The following CTDP1 variants were observed in gnomAD, a reference collection of about 807,000 sequenced individuals.
The protein encoded by CTDP1 is RNA polymerase II subunit A C-terminal domain phosphatase.
In CTDP1, 47 loss-of-function variants were observed where a neutral mutation model predicts 91.8. That is an observed-to-expected ratio of 0.51 (90% CI 0.41 to 0.65). The LOEUF is 0.65. Ranked by LOEUF, CTDP1 falls within the 30% of genes least tolerant of loss-of-function variation. CTDP1 has a pLI of 0.00. For missense variants in CTDP1, 1,272 were observed against 1,373.7 expected, an observed-to-expected ratio of 0.93 and a Z score of 1.17; for synonymous variants, 656 against 598.5, an observed-to-expected ratio of 1.10 and a Z score of -1.40.
chr18:79,683,446 G>T (rs532185485), intron 1 of CTDP1, among the ~76,000 whole-genome samples: 1 of 152,336 alleles, frequency 6.6e-6, no homozygotes, highest in South Asian at 2.1e-4. Context: ...TCATCTGCGT[G>T]TGAGGGCAGG....
intron 11 of CTDP1, among the ~76,000 whole-genome samples, chr18:79,730,237 C>T (rs1176240785): frequency 6.6e-6 from 1 of 152,192 alleles, no homozygotes; most frequent in Non-Finnish European, 1.5e-5. Flanking sequence ...TCAGCCACTA[C>T]CTGTAAGCCC....
intron 1 of CTDP1, chr18:79,681,599 C>A: frequency 6.0e-6 from 3 of 501,830 alleles, no homozygotes; most frequent in Non-Finnish European, 7.7e-6. Flanking sequence ...CCCAGTGCAT[C>A]AGTCAGTCAG....
At chr18:79,716,310 T>C in intron 8 of CTDP1, among the ~76,000 whole-genome samples, 1 of 152,186 alleles carries the variant, frequency 6.6e-6, no homozygotes, top group African/African-American at 2.4e-5. Context: ...CCACGCACGC[T>C]CCCTGACAGC....
intron 10 of CTDP1, among the ~76,000 whole-genome samples, chr18:79,723,262 C>T (rs1257170501): frequency 1.3e-5 from 2 of 151,928 alleles, no homozygotes; most frequent in Non-Finnish European, 2.9e-5. Context: ...CATGGCATCC[C>T]GTCTCACAGT....
At chr18:79,686,687 C>T (rs960239135) in intron 1 of CTDP1, among the ~76,000 whole-genome samples, 4 of 152,370 alleles carry the variant, frequency 2.6e-5, no homozygotes, top group African/African-American at 7.2e-5. Flanking sequence ...TGGTGTCGTA[C>T]GATTTTGATG....
chr18:79,705,059 G>C, intron 5 of CTDP1, 142 bp downstream of exon 5: 1 of 1,321,246 alleles, frequency 7.6e-7, no homozygotes, highest in African/African-American at 1.5e-5. Flanking sequence ...TGTGCAGGGG[G>C]TTGTGAGAGG....
At chr18:79,688,562 A>T (rs998316855) in intron 1 of CTDP1, among the ~76,000 whole-genome samples, 5 of 143,036 alleles carry the variant, frequency 3.5e-5, no homozygotes, top group Non-Finnish European at 7.7e-5. Context: ...ACCGCGCCCA[A>T]CTAATTTTTG....
At chr18:79,695,333 G>A (rs765167111) in intron 2 of CTDP1, 25 bp downstream of exon 2, 26 of 1,606,418 alleles carry the variant, frequency 1.6e-5, no homozygotes, top group African/African-American at 9.4e-5. Flanking sequence ...GAGTGAGATC[G>A]CTGCCTGCTG....
At chr18:79,735,376 C>T (rs1465826619) in intron 11 of CTDP1, among the ~76,000 whole-genome samples, 2 of 152,210 alleles carry the variant, frequency 1.3e-5, no homozygotes, top group Non-Finnish European at 2.9e-5. Context: ...GGGGCTGTGC[C>T]GTCGCACACA....
At chr18:79,698,182 A>G (rs1018150526) in intron 4 of CTDP1, among the ~76,000 whole-genome samples, 194 bp downstream of exon 4, 10 of 152,240 alleles carry the variant, frequency 6.6e-5, no homozygotes, top group African/African-American at 2.4e-4. Context: ...TCCCGGGCAG[A>G]CATCCCGACG....
intron 1 of CTDP1, among the ~76,000 whole-genome samples, chr18:79,692,220 C>T (rs553093096): frequency 2.0e-5 from 3 of 152,130 alleles, no homozygotes; most frequent in South Asian, 4.1e-4. Context: ...ACACACTCTG[C>T]AGGCGTTTGT....
Position 79,680,155 on chromosome 18 carries a change from T to C in CTDP1, c.208T>C (p.Ser70Pro). Residue 70 changes from serine to proline, a missense_variant, in exon 1 of 13, where the codon TCC (serine) becomes CCC (proline). Ser to Pro is a moderately conservative substitution (Grantham distance 74, BLOSUM62 -1). Around this residue, in one of 3 missense-constraint regions of CTDP1, gnomAD observed 214 missense variants for 179.1 expected, o/e 1.19. Transcript: ENST00000613122. Reference protein sequence around the residue: ...SSGASQSRVASGGCVRPARPE... With the variant: ...SSGASQSRVAPGGCVRPARPE... The stretch of plus-strand genomic sequence containing the variant: ...CGGGGCCTCTCAGTCCCGTGTAGCC[T>C]CCGGGGGCTGCGTGCGCCCCGCGCG... 3 of 1,399,626 alleles carry C rather than the reference T, an allele frequency of 2.1e-6. No individual in the cohort carries two copies. Among genetic ancestry groups the C allele is most frequent in the Non-Finnish European group, 2.8e-6 (3 of 1,081,452 alleles). The allele number at this position is 1,399,626 out of a possible 1,614,324, so 86.7% of individuals were successfully genotyped here.
chr18:79,695,425 G>A (rs1256620055), intron 2 of CTDP1, 117 bp downstream of exon 2: 11 of 870,512 alleles, frequency 1.3e-5, no homozygotes, highest in Non-Finnish European at 1.7e-5. Flanking sequence ...AGCGGCAGAT[G>A]CAGACGCCTC....
intron 11 of CTDP1, among the ~76,000 whole-genome samples, chr18:79,732,036 C>T (rs944122427): frequency 6.7e-6 from 1 of 150,184 alleles, no homozygotes; most frequent in South Asian, 2.1e-4. Flanking sequence ...AGGAGTGCTC[C>T]CAAAATCACA....
At chr18:79,726,688 G>A (rs1044743237) in intron 10 of CTDP1, among the ~76,000 whole-genome samples, 5 of 151,870 alleles carry the variant, frequency 3.3e-5, no homozygotes, top group Non-Finnish European at 4.4e-5. Context: ...TTCCCCACAC[G>A]GCCTCTTTTT....
At chr18:79,734,435 G>C (rs1416547584) in intron 11 of CTDP1, among the ~76,000 whole-genome samples, 4 of 152,268 alleles carry the variant, frequency 2.6e-5, no homozygotes, top group African/African-American at 9.6e-5. Flanking sequence ...GCGAGGTCAG[G>C]TTTTAATGTG....
chr18:79,688,176 G>A (rs775553036), intron 1 of CTDP1, among the ~76,000 whole-genome samples: 2 of 152,276 alleles, frequency 1.3e-5, no homozygotes, highest in Non-Finnish European at 2.9e-5. Context: ...AGCCACAGCT[G>A]ACGACTGCAC....
chr18:79,678,709 G>A (rs757648849), upstream of CTDP1: 8 of 152,054 alleles, frequency 5.3e-5, no homozygotes, highest in African/African-American at 9.7e-5. Flanking sequence ...TATACGTAAG[G>A]ACAAAGATAC....
intron 1 of CTDP1, among the ~76,000 whole-genome samples, chr18:79,688,648 C>A (rs1022444097): frequency 1.3e-5 from 2 of 152,168 alleles, no homozygotes; most frequent in African/African-American, 2.4e-5. Flanking sequence ...GACCCACCTG[C>A]CTTGGCTTCC....
Sources: gnomAD v4.1 joint callset for allele counts (sites outside exome capture counted in the v4.1 genomes callset) on GRCh38, gnomAD v4.1.1 for gene constraint, gnomAD v4.1.1 regional missense constraint, MANE v1.5 for transcripts, NCBI Gene and HGNC (gene_info 2026-07-23, HGNC 2026-07-21) for gene names.